The following PLEKHA6 variants were observed in gnomAD, a reference collection of about 807,000 sequenced individuals.
PLEKHA6 encodes the protein pleckstrin homology domain-containing family A member 6.
Under a neutral mutation model 116.7 loss-of-function variants are expected in PLEKHA6, and 60 were observed. The observed-to-expected ratio is 0.51, with a 90% CI of 0.42 to 0.64. PLEKHA6 has a LOEUF of 0.64. PLEKHA6 is among the 30% of genes least tolerant of loss of function. The pLI, the probability that PLEKHA6 is intolerant of heterozygous loss-of-function variation, is 0.00. For missense variants in PLEKHA6, 1,338 were observed against 1,422.7 expected, an observed-to-expected ratio of 0.94 and a Z score of 0.96; for synonymous variants, 489 against 556.1, an observed-to-expected ratio of 0.88 and a Z score of 1.70.
chr1:204,224,370 C>T (rs897230797), intron 21 of PLEKHA6, among the ~76,000 whole-genome samples: 2 of 151,956 alleles, frequency 1.3e-5, no homozygotes, highest in Non-Finnish European at 2.9e-5. Context: ...ACTGTAGCCG[C>T]GAGGCAGGAG....
chr1:204,258,324 G>A (rs751271651), intron 8 of PLEKHA6, among the ~76,000 whole-genome samples: 6 of 152,096 alleles, frequency 3.9e-5, no homozygotes, highest in Non-Finnish European at 8.8e-5. Context: ...AATACAGTGG[G>A]GCCATCAAGG....
chr1:204,331,889 C>T (rs1173312460), intron 1 of PLEKHA6, among the ~76,000 whole-genome samples: 1 of 151,608 alleles, frequency 6.6e-6, no homozygotes, highest in East Asian at 2.0e-4. Context: ...AAGCCCCATG[C>T]CCCGAGAGGC....
chr1:204,242,557 C>A (rs905357242), intron 15 of PLEKHA6, among the ~76,000 whole-genome samples: 19 of 152,326 alleles, frequency 1.2e-4, no homozygotes, highest in African/African-American at 4.6e-4. Flanking sequence ...TTTCTACTCA[C>A]CACACAACCT....
chr1:204,257,406 T>C lies in PLEKHA6; in HGVS notation c.1471A>G (p.Ile491Val). The C allele has an allele frequency of 1.3e-6, 2 of 1,563,998 alleles. No individual in the cohort carries two copies. Among genetic ancestry groups the C allele is most frequent in the Non-Finnish European group, 1.7e-6 (2 of 1,153,568 alleles). ...FERLPPRSED[I>V]YADPAAYVMR... is the part of the protein sequence containing the mutation. Reference sequence around the variant, plus strand: ...ACATAGGCAGCAGGGTCAGCATAGATGTCCTCACTGCGAGGTGGCAGCCGC... The same window carrying C: ...ACATAGGCAGCAGGGTCAGCATAGACGTCCTCACTGCGAGGTGGCAGCCGC... The change falls in exon 9 of 23, where the codon ATC becomes GTC. Residue 491 changes from isoleucine (I) to valine (V), a missense_variant. Coordinates refer to ENST00000272203, the MANE Select transcript of PLEKHA6 (RefSeq NM_014935.5). This position sits in a 1 kb window ranked among gnomAD's most constrained non-coding sequence, Gnocchi z 6.5.
rs114360107 is a variant in PLEKHA6, at chr1:204,368,130, G to A, written c.161-274C>T. Among the ~76,000 whole-genome samples the A allele has an allele frequency of 2.0e-3, 309 of 152,326 alleles. 1 individual carries two copies. The highest frequency in any genetic ancestry group is 6.8e-3 in the African/African-American group (284 of 41,572). On this transcript the variant is annotated intron_variant, in intron 2 of 4. Transcript: ENST00000564627. ...TGACCGAATGAATCATAGCCTGGCA[G>A]GATGCACTTATTCATTCAACAAATC... is the stretch of plus-strand genomic sequence containing the variant.
intron 1 of PLEKHA6, chr1:204,346,754 CT>C (rs35603588): frequency 0.011 from 7,913 of 753,190 alleles, no homozygotes; most frequent in African/African-American, 0.033. Flanking sequence ...CTCCCATTTG[CT>C]TTTTTTTTTT....
intron 1 of PLEKHA6, among the ~76,000 whole-genome samples, chr1:204,371,917 G>C (rs1673785421): frequency 6.6e-6 from 1 of 152,174 alleles, no homozygotes; most frequent in African/African-American, 2.4e-5. Flanking sequence ...TGTGTAGAAA[G>C]TGTGATACCA....
chr1:204,345,677 T>C (rs1673015180), intron 1 of PLEKHA6, among the ~76,000 whole-genome samples: 1 of 26,670 alleles, frequency 3.7e-5, no homozygotes, highest in Non-Finnish European at 1.0e-4. Flanking sequence ...CACTCAAGCA[T>C]TTCCCTGAAA....
chr1:204,306,224 G>A (rs769514898), intron 1 of PLEKHA6, among the ~76,000 whole-genome samples: 3 of 152,062 alleles, frequency 2.0e-5, no homozygotes, highest in East Asian at 1.9e-4. Flanking sequence ...CCATTCCTGC[G>A]AGATCCTGCC....
In PLEKHA6 at chr1:204,377,384, C is replaced by T. The variant is rs573034183; in HGVS notation, c.83+199G>A. Among the ~76,000 whole-genome samples the T allele has an allele frequency of 2.6e-5, 4 of 152,292 alleles. No homozygotes were observed. In the East Asian group the frequency reaches 7.7e-4, roughly 29 times the overall value. ...CTTTCCAAGCTGAGGGAATGCCAAG[C>T]CTTTGCTGGACTTTGACCCATTGAG... On this transcript the variant is annotated intron_variant, in intron 1 of 4. Transcript: ENST00000564627.
intron 1 of PLEKHA6, among the ~76,000 whole-genome samples, chr1:204,294,651 C>G (rs908912475): frequency 3.3e-5 from 5 of 152,168 alleles, no homozygotes; most frequent in African/African-American, 1.2e-4. Context: ...ATTTTTGGCT[C>G]TGGAGTCAGA....
In PLEKHA6 at chr1:204,342,100, G is replaced by C. The variant is rs182019787; in HGVS notation, c.-95+17594C>G. ...CTCGGGAGGCTGAGGCAGGAGGATC[G>C]CTTGAGCCTGGGAGGCAGAGGTTGC... On this transcript the variant is annotated intron_variant, in intron 1 of 22. Coordinates refer to ENST00000272203, the MANE Select transcript of PLEKHA6 (RefSeq NM_014935.5). Among the ~76,000 whole-genome samples the C allele has an allele frequency of 5.3e-5, 8 of 152,286 alleles. No homozygotes were observed. In the East Asian group the frequency reaches 1.5e-3, roughly 29 times the overall value.
At chr1:204,297,538 ACT>A (rs1251428654) in intron 1 of PLEKHA6, among the ~76,000 whole-genome samples, 1 of 151,606 alleles carries the variant, frequency 6.6e-6, no homozygotes, top group Non-Finnish European at 1.5e-5. Flanking sequence ...TAGAATCCTG[ACT>A]CTACTCCATA....
At chr1:204,359,091 C>T (rs1057049110) in intron 1 of PLEKHA6, among the ~76,000 whole-genome samples, 7 of 152,084 alleles carry the variant, frequency 4.6e-5, no homozygotes, top group Admixed American at 2.0e-4. Context: ...CTGCCCTCCT[C>T]TACCACATAC....
chr1:204,309,647 T>C, intron 1 of PLEKHA6: 1 of 709,368 alleles, frequency 1.4e-6, no homozygotes, highest in Non-Finnish European at 1.7e-6. Context: ...CTTCTCAGAA[T>C]GTAGCCCCAA....
rs1485342075 is a variant in PLEKHA6 at position 204,280,430 on chromosome 1, C to T, written c.-94-5621G>A. The stretch of plus-strand genomic sequence containing the variant: ...TGAACGACTGGAGAAATACTCCACT[C>T]CTTCCACCCACTGGGCCTCTCTTGA... On this transcript the variant is annotated intron_variant, in intron 1 of 22. Transcript: ENST00000272203. 3.0e-6 allele frequency: 3 copies of T among 985,306 alleles called. No individual in the cohort carries two copies. The East Asian group carries it at 3.4e-4, about 112-fold the overall frequency. 61.0% of individuals were successfully genotyped at this position (985,306 alleles called of 1,614,324 possible). A position where few individuals can be genotyped will look rare whatever the true frequency, so the allele number is the denominator to read the frequency against.
intron 1 of PLEKHA6, among the ~76,000 whole-genome samples, chr1:204,312,707 G>A (rs1336156443): frequency 6.6e-6 from 1 of 152,208 alleles, no homozygotes; most frequent in Non-Finnish European, 1.5e-5. Flanking sequence ...ATGGGCTAGA[G>A]TGTGCTGGGG....
intron 1 of PLEKHA6, chr1:204,299,478 G>A (rs1670606149): frequency 5.5e-6 from 1 of 181,662 alleles, no homozygotes; most frequent in Non-Finnish European, 1.1e-5. Flanking sequence ...GGTGAGCTAA[G>A]GTCCATAGGG....
Position 204,257,233 on chromosome 1 carries a change from C to T in PLEKHA6, c.1524+120G>A. On this transcript the variant is annotated intron_variant, in intron 9 of 22. Coordinates refer to ENST00000272203, the MANE Select transcript of PLEKHA6 (RefSeq NM_014935.5). The surrounding 1 kb of genome is among the most constrained non-coding windows in gnomAD (Gnocchi z 6.5). ...TGGGCAGCACTGCTGGTCCTGCAGACAAACGGCCCAGTGGCCCCGTGGCAC... is the reference window on the plus strand; with the variant it reads ...TGGGCAGCACTGCTGGTCCTGCAGATAAACGGCCCAGTGGCCCCGTGGCAC... 2 of 970,556 alleles carry T rather than the reference C, an allele frequency of 2.1e-6. No individual in the cohort carries two copies. The highest frequency in any genetic ancestry group is 4.3e-5 in the Admixed American group (2 of 46,752). The allele number at this position is 970,556 out of a possible 1,614,324, so 60.1% of individuals were successfully genotyped here.
Sources: allele counts gnomAD v4.1 joint callset (sites outside exome capture counted in the v4.1 genomes callset), GRCh38; gene constraint gnomAD v4.1.1; non-coding constraint Gnocchi (gnomAD v3.1); transcripts MANE v1.5; gene names NCBI Gene and HGNC (gene_info 2026-07-23, HGNC 2026-07-21).